Variants in GAS7 observed in about 807,000 individuals in gnomAD.
The protein encoded by GAS7 is growth arrest-specific protein 7.
A neutral mutation model predicts 71.1 loss-of-function variants in GAS7; 28 were observed. That is an observed-to-expected ratio of 0.39 (90% CI 0.29 to 0.54). The LOEUF (loss-of-function observed/expected upper bound fraction) is 0.54. Among genes scored for constraint, GAS7 ranks in the 20% least tolerant of loss-of-function variants. The pLI, the probability that GAS7 is intolerant of heterozygous loss-of-function variation, is 0.62. For missense variants in GAS7, 436 were observed against 627.8 expected (o/e 0.69, Z 3.27); for synonymous variants, 258 against 245.8 (o/e 1.05, Z -0.46).
At chr17:10,126,384 T>G (rs1361523175) in intron 1 of GAS7, among the ~76,000 whole-genome samples, 1 of 94,222 alleles carries the variant, frequency 1.1e-5, no homozygotes, top group Non-Finnish European at 2.5e-5. Flanking sequence ...ACCCACACAC[T>G]CACGCACATG....
At chr17:10,058,491 G>A (rs546491852) in intron 1 of GAS7, among the ~76,000 whole-genome samples, 1 of 152,206 alleles carries the variant, frequency 6.6e-6, no homozygotes, top group South Asian at 2.1e-4. Flanking sequence ...TGATGTTATA[G>A]GAGAAGCCCG....
At chr17:10,159,374 A>G (rs543281064) in intron 1 of GAS7, among the ~76,000 whole-genome samples, 166 of 152,196 alleles carry the variant, frequency 1.1e-3, no homozygotes, top group African/African-American at 3.9e-3. Context: ...TCAAGGTAGC[A>G]CTGTTCATAA....
At position 10,156,210 on chromosome 17, in the gene GAS7, C is replaced by T. The variant is rs555485054; in HGVS notation, c.183+41998G>A. Among the ~76,000 whole-genome samples, 4 of 152,256 alleles carry T rather than the reference C, an allele frequency of 2.6e-5. No individual in the cohort carries two copies. In the South Asian group the frequency reaches 6.2e-4, roughly 24 times the overall value. ...TAAGCAGATTTCTCCAAACCTCTAC[C>T]CTGGGGAGCCCATTCTGGCATTCCA... On this transcript the variant is annotated intron_variant, in intron 1 of 13. Coordinates refer to ENST00000432992, the MANE Select transcript of GAS7 (RefSeq NM_201433.2).
Position 9,926,268 on chromosome 17 carries a change from G to A in GAS7, c.1014+373C>T, listed in dbSNP as rs1202398881. Among the ~76,000 whole-genome samples the A allele has an allele frequency of 2.6e-5, 4 of 152,148 alleles. No individual in the cohort carries two copies. The highest frequency in any genetic ancestry group is 2.1e-4 in the South Asian group (1 of 4,824). On this transcript the variant is annotated intron_variant, in intron 10 of 13. Transcript: ENST00000432992. The surrounding 1 kb of genome is among the most constrained non-coding windows in gnomAD (Gnocchi z 5.0). ...TGAGCAGGAAGGAGAGCAGGGAGGC[G>A]GTGACTGAGTCAGGACGACTCAGCC...
At position 10,156,458 on chromosome 17, in the gene GAS7, G is replaced by C. The variant is rs113083683; in HGVS notation, c.183+41750C>G. ...GAAGTTTTAAATATATTCTCCCAGA[G>C]CAAATAATTTTGTGTTTTAACATGG... On this transcript the variant is annotated intron_variant, in intron 1 of 13. Coordinates refer to ENST00000432992, the MANE Select transcript of GAS7 (RefSeq NM_201433.2). Among the ~76,000 whole-genome samples, 327 of 152,294 alleles carry C rather than the reference G, an allele frequency of 2.1e-3. 3 individuals are homozygous for C. The highest frequency in any genetic ancestry group is 4.1e-3 in the Non-Finnish European group (282 of 68,028).
chr17:10,102,436 G>A (rs2073712068), intron 1 of GAS7, among the ~76,000 whole-genome samples: 1 of 149,138 alleles, frequency 6.7e-6, no homozygotes, highest in Non-Finnish European at 1.5e-5. Context: ...CTCTTAGTCG[G>A]CTAGCTGACT....
intron 1 of GAS7, among the ~76,000 whole-genome samples, chr17:10,058,273 A>T (rs368044760): frequency 1.3e-5 from 2 of 150,660 alleles, no homozygotes; most frequent in African/African-American, 5.0e-5. Context: ...CAAAAACAAA[A>T]ACAAAACAAA....
intron 1 of GAS7, among the ~76,000 whole-genome samples, chr17:10,063,915 T>C (rs901835679): frequency 6.6e-5 from 10 of 152,122 alleles, no homozygotes; most frequent in African/African-American, 2.4e-4. Context: ...GTTTCTTTGT[T>C]GCCTCAATGC....
At chr17:10,089,116 G>A (rs11078828) in intron 1 of GAS7, among the ~76,000 whole-genome samples, 16,531 of 151,910 alleles carry the variant, frequency 0.11, 1,037 homozygotes, top group East Asian at 0.21. Context: ...AGCAGAGATC[G>A]TGTCATTGCA....
In GAS7 at chr17:9,946,906, G is replaced by T; in HGVS notation, c.603C>A (p.Cys201Ter). The T allele has an allele frequency of 1.2e-6, 2 of 1,609,396 alleles. No individual in the cohort carries two copies. Among genetic ancestry groups the T allele is most frequent in the Non-Finnish European group, 1.7e-6 (2 of 1,175,832 alleles). Residue 201 changes from cysteine (C) to a stop codon, truncating the protein, a stop_gained, in exon 6 of 14, where the codon TGC becomes TGA. Transcript: ENST00000432992. LOFTEE classifies it high-confidence loss of function. ...AGGCGCTGCTTACCCAGAAGTAGTC[G>T]CAGTAGCTCCACTCGGTTGGTTTCA... ...QLLKPTEWSY[C>*]DYFWADKKDP...
chr17:10,004,129 C>T (rs2071377201), intron 2 of GAS7, among the ~76,000 whole-genome samples: 2 of 152,116 alleles, frequency 1.3e-5, no homozygotes, highest in Non-Finnish European at 2.9e-5. Context: ...TGAACTCCAA[C>T]CCAAAGGAAA....
intron 2 of GAS7, among the ~76,000 whole-genome samples, chr17:10,009,092 G>A (rs1237580997): frequency 4.2e-4 from 64 of 151,682 alleles, no homozygotes; most frequent in Admixed American, 3.3e-3. Flanking sequence ...AGGCCGAGGC[G>A]GGCGGATCAC....
intron 2 of GAS7, among the ~76,000 whole-genome samples, chr17:10,007,086 T>G (rs752578742): frequency 1.3e-5 from 2 of 152,246 alleles, no homozygotes; most frequent in Non-Finnish European, 2.9e-5. Context: ...TTAATCATAT[T>G]TGACTATGCC....
rs1041763647 is a variant in GAS7 at position 9,981,205 on chromosome 17, T to G, written c.385+599A>C. On this transcript the variant is annotated intron_variant, in intron 3 of 13. Coordinates refer to ENST00000432992, the MANE Select transcript of GAS7 (RefSeq NM_201433.2). This position sits in a 1 kb window ranked among gnomAD's most constrained non-coding sequence, Gnocchi z 4.4. ...TACTCGGGAGGCTGGGGAACAAGAATCCATTGAACCCAGAAGGGGAGGTTG... is the reference window on the plus strand; with the variant it reads ...TACTCGGGAGGCTGGGGAACAAGAAGCCATTGAACCCAGAAGGGGAGGTTG... Among the ~76,000 whole-genome samples the G allele has an allele frequency of 6.9e-6, 1 of 145,452 alleles. No individual in the cohort carries two copies. The highest frequency in any genetic ancestry group is 2.5e-5 in the African/African-American group (1 of 40,224).
chr17:9,917,465 C>A (rs1189437121), intron 13 of GAS7, 124 bp from the exon 14 acceptor site: 15 of 695,210 alleles, frequency 2.2e-5, no homozygotes, highest in African/African-American at 3.5e-5. Flanking sequence ...GGCTCCGGGG[C>A]CCCAGGGGGA....
At position 9,911,076 on chromosome 17, in the gene GAS7, G is replaced by T. The variant is rs2067423754; in HGVS notation, c.*6152C>A. 4.3e-6 allele frequency: 1 copy of T among 233,136 alleles called. No individual in the cohort carries two copies. The highest frequency in any genetic ancestry group is 6.0e-5 in the East Asian group (1 of 16,572). 14.4% of individuals were successfully genotyped at this position (233,136 alleles called of 1,614,324 possible). A position where few individuals can be genotyped will look rare whatever the true frequency, so the allele number is the denominator to read the frequency against. On this transcript the variant is annotated 3_prime_UTR_variant, in exon 14 of 14. Coordinates refer to ENST00000432992, the MANE Select transcript of GAS7 (RefSeq NM_201433.2). This position sits in a 1 kb window ranked among gnomAD's most constrained non-coding sequence, Gnocchi z 4.0. ...CGGTCATCTCCTTCCTAACGGAAGG[G>T]AAGGGATGCTAAGTTGGGGCCCCTG...
rs1415533245 is a variant in GAS7, at chr17:9,919,339, G to A, written c.1218+287C>T. On this transcript the variant is annotated intron_variant, in intron 12 of 13. Transcript: ENST00000432992. This position sits in a 1 kb window ranked among gnomAD's most constrained non-coding sequence, Gnocchi z 5.0. Reference sequence around the variant, plus strand: ...TAAAGAGGCCCTTGTCCACTTAGTTGAGGAGAGTCCTCAGTTGACCCTGAC... The same window carrying A: ...TAAAGAGGCCCTTGTCCACTTAGTTAAGGAGAGTCCTCAGTTGACCCTGAC... Among the ~76,000 whole-genome samples the A allele has an allele frequency of 2.0e-5, 3 of 152,120 alleles. No individual in the cohort carries two copies. The highest frequency in any genetic ancestry group is 2.9e-5 in the Non-Finnish European group (2 of 68,016).
chr17:10,136,062 C>T (rs534943603), intron 1 of GAS7, among the ~76,000 whole-genome samples: 23 of 152,236 alleles, frequency 1.5e-4, no homozygotes, highest in Admixed American at 3.9e-4. Context: ...CCAGACACTC[C>T]GAATAAAAAC....
At chr17:9,963,759 AT>A (rs1287656942) in intron 4 of GAS7, among the ~76,000 whole-genome samples, 3 of 152,218 alleles carry the variant, frequency 2.0e-5, no homozygotes, top group African/African-American at 7.2e-5. Flanking sequence ...AAAAAAAGGC[AT>A]TTTTTGAGAC....
Sources: allele counts gnomAD v4.1 joint callset (sites outside exome capture counted in the v4.1 genomes callset), GRCh38; gene constraint gnomAD v4.1.1; non-coding constraint Gnocchi (gnomAD v3.1); transcripts MANE v1.5; gene names NCBI Gene and HGNC (gene_info 2026-07-23, HGNC 2026-07-21).